Variants in SIK3 observed in about 807,000 individuals in gnomAD.
SIK3 encodes the protein serine/threonine-protein kinase SIK3.
SIK3 carries 28 observed loss-of-function variants against 144.2 expected under a neutral mutation model. The ratio of observed to expected loss-of-function variants is 0.19; its 90% CI spans 0.14 to 0.27. SIK3 has a LOEUF of 0.27. Ranked by LOEUF, SIK3 falls within the 10% of genes least tolerant of loss-of-function variation. SIK3 has a pLI of 1.00. For synonymous variants in SIK3, 686 were observed against 676.3 expected (o/e 1.01, Z -0.22); for missense variants, 1,319 against 1,776.0 (o/e 0.74, Z 4.62).
chr11:116,911,981 A>G (rs1007511195), intron 4 of SIK3, among the ~76,000 whole-genome samples: 1 of 152,216 alleles, frequency 6.6e-6, no homozygotes, highest in Non-Finnish European at 1.5e-5. Flanking sequence ...GCACACCTAC[A>G]CAACAGAAGC....
chr11:116,852,732 C>T (rs193040274), intron 21 of SIK3, among the ~76,000 whole-genome samples: 11 of 152,258 alleles, frequency 7.2e-5, no homozygotes, highest in African/African-American at 2.4e-4. Context: ...ATCACAGAAC[C>T]CTGCTTGCAG....
chr11:117,051,721 G>GT (rs1349592967), intron 1 of SIK3, among the ~76,000 whole-genome samples: 4 of 151,876 alleles, frequency 2.6e-5, no homozygotes, highest in Admixed American at 6.6e-5. Context: ...TAGAGATGGG[G>GT]TTTCAACATG....
chr11:116,873,685 G>A lies in SIK3; in HGVS notation c.1582-49C>T, dbSNP rs559819019. ...ACGGACCATGAGATGAGGGGAAGGC[G>A]GGGAGAAAGGGGCAAGCCACTCATC... On this transcript the variant is annotated intron_variant, in intron 12 of 24. Coordinates refer to ENST00000445177, the MANE Select transcript of SIK3 (RefSeq NM_001366686.3). 60 of 1,516,124 alleles carry A rather than the reference G, an allele frequency of 4.0e-5. No homozygotes were observed. The South Asian group carries it at 5.3e-4, about 13-fold the overall frequency. The allele number at this position is 1,516,124 out of a possible 1,614,324, so 93.9% of individuals were successfully genotyped here.
intron 4 of SIK3, among the ~76,000 whole-genome samples, chr11:116,915,103 A>C (rs1390483174): frequency 7.2e-6 from 1 of 138,106 alleles, no homozygotes; most frequent in Non-Finnish European, 1.5e-5. Flanking sequence ...TTGATATATC[A>C]TGTTTAGTAG....
Position 117,045,802 on chromosome 11 carries a change from T to C in SIK3, c.273+52341A>G, listed in dbSNP as rs146453091. On this transcript the variant is annotated intron_variant, in intron 1 of 24. Transcript: ENST00000445177. ...ATCTACTCCATTATTTTGGCATCTG[T>C]TTCTTAAAATCTGCTGCACCTATCC... is the stretch of plus-strand genomic sequence containing the variant. Among the ~76,000 whole-genome samples the C allele has an allele frequency of 5.3e-5, 8 of 152,338 alleles. 1 individual carries two copies. In the South Asian group the frequency reaches 1.2e-3, roughly 24 times the overall value.
chr11:116,934,701 T>TG (rs1202738498), intron 3 of SIK3, among the ~76,000 whole-genome samples: 1 of 152,216 alleles, frequency 6.6e-6, no homozygotes, highest in African/African-American at 2.4e-5. Flanking sequence ...AGGCCAGGCA[T>TG]GGTGGTTCAC....
intron 1 of SIK3, among the ~76,000 whole-genome samples, chr11:117,018,699 TG>T (rs1431203508): frequency 6.9e-6 from 1 of 144,860 alleles, no homozygotes; most frequent in Non-Finnish European, 1.5e-5. Flanking sequence ...ATTGTATCAT[TG>T]TTTTTATTTT....
intron 4 of SIK3, among the ~76,000 whole-genome samples, chr11:116,915,258 C>T (rs976063384): frequency 2.2e-4 from 33 of 151,728 alleles, no homozygotes; most frequent in Non-Finnish European, 4.3e-4. Context: ...GGGATCCTCC[C>T]GCCTTGGCCT....
At chr11:117,057,674 G>C (rs182205841) in intron 1 of SIK3, among the ~76,000 whole-genome samples, 57 of 152,260 alleles carry the variant, frequency 3.7e-4, no homozygotes, top group African/African-American at 1.3e-3. Flanking sequence ...GTAGAGCACA[G>C]CAGTTTAGAA....
intron 1 of SIK3, among the ~76,000 whole-genome samples, chr11:116,967,165 T>C (rs1389049196): frequency 6.6e-6 from 1 of 152,196 alleles, no homozygotes; most frequent in Non-Finnish European, 1.5e-5. Context: ...AATGAGTACA[T>C]GCTACTCTTT....
intron 1 of SIK3, among the ~76,000 whole-genome samples, chr11:116,963,398 T>A (rs1250835066): frequency 1.3e-5 from 2 of 152,088 alleles, no homozygotes; most frequent in Non-Finnish European, 1.5e-5. Context: ...TGCTTAGAAA[T>A]CAAATTAAAA....
intron 19 of SIK3, among the ~76,000 whole-genome samples, chr11:116,860,987 G>A: frequency 6.6e-6 from 1 of 152,218 alleles, no homozygotes; most frequent in East Asian, 1.9e-4. Flanking sequence ...ATGTGGAACT[G>A]TGAGTCAATT....
chr11:117,084,626 T>C (rs1954929379), intron 1 of SIK3, among the ~76,000 whole-genome samples: 1 of 152,202 alleles, frequency 6.6e-6, no homozygotes, highest in Admixed American at 6.5e-5. Flanking sequence ...CCCAAACCTA[T>C]TTATACCAGT....
At chr11:117,079,884 A>ATAC (rs1954709168) in intron 1 of SIK3, among the ~76,000 whole-genome samples, 1 of 152,124 alleles carries the variant, frequency 6.6e-6, no homozygotes, top group Non-Finnish European at 1.5e-5. Context: ...AAAAGCTATT[A>ATAC]CAGGCCAGGC....
intron 1 of SIK3, among the ~76,000 whole-genome samples, chr11:117,064,150 C>T (rs996368669): frequency 1.3e-5 from 2 of 152,138 alleles, no homozygotes; most frequent in Admixed American, 1.3e-4. Context: ...TTTTCAATGT[C>T]AGGGTCATTC....
At chr11:117,083,328 A>G (rs1459248531) in intron 1 of SIK3, among the ~76,000 whole-genome samples, 1 of 152,172 alleles carries the variant, frequency 6.6e-6, no homozygotes, top group Non-Finnish European at 1.5e-5. Flanking sequence ...ATTCCTGAGA[A>G]CTGTGAAATC....
At position 116,957,081 on chromosome 11, in the gene SIK3, A is replaced by G; in HGVS notation, c.274-17T>C. On this transcript the variant is annotated splice_polypyrimidine_tract_variant and intron_variant, in intron 1 of 24. Transcript: ENST00000445177. Reference sequence around the variant, plus strand: ...GATAGCAACCTGACAACAGAGGGAAAAAAATTACTCTGATGCATTATTAAA... The same window carrying G: ...GATAGCAACCTGACAACAGAGGGAAGAAAATTACTCTGATGCATTATTAAA... 1 of 1,472,366 alleles carries G rather than the reference A, an allele frequency of 6.8e-7. No homozygotes were observed. 91.2% of individuals were successfully genotyped at this position (1,472,366 alleles called of 1,614,324 possible).
Position 116,912,885 on chromosome 11 carries a change from G to A in SIK3, c.616+14334C>T, listed in dbSNP as rs186194260. 1.2e-4 allele frequency among the ~76,000 whole-genome samples: 18 copies of A among 152,252 alleles called. No homozygotes were observed. In the South Asian group the frequency reaches 3.5e-3, roughly 30 times the overall value. On this transcript the variant is annotated intron_variant, in intron 4 of 24. Transcript: ENST00000445177. ...TAGAAATGTTGCTGCTAGAAATGAT[G>A]CAAAGAACCAAAGATCAAGACTGGT...
At chr11:117,059,694 C>CA (rs760121660) in intron 1 of SIK3, among the ~76,000 whole-genome samples, 4 of 152,104 alleles carry the variant, frequency 2.6e-5, no homozygotes, top group Non-Finnish European at 4.4e-5. Context: ...TTAAAATGGG[C>CA]AAAAGATATG....
Sources: gnomAD v4.1 joint callset for allele counts (sites outside exome capture counted in the v4.1 genomes callset) on GRCh38, gnomAD v4.1.1 for gene constraint, MANE v1.5 for transcripts, NCBI Gene and HGNC (gene_info 2026-07-23, HGNC 2026-07-21) for gene names.